The following TG variants were observed in gnomAD, a reference collection of about 807,000 sequenced individuals.
TG encodes the protein thyroglobulin.
In TG, 270 loss-of-function variants were observed where a neutral mutation model predicts 324.7. That is an observed-to-expected ratio of 0.83 (90% CI 0.75 to 0.92). The LOEUF is 0.92. Ranked by LOEUF, TG falls within the 40% of genes least tolerant of loss-of-function variation. The pLI, the probability that TG is intolerant of heterozygous loss-of-function variation, is 0.00. For missense variants in TG, 3,591 were observed against 3,456.4 expected (o/e 1.04, Z -0.98); for synonymous variants, 1,401 against 1,327.0 (o/e 1.06, Z -1.21).
chr8:132,992,195 T>A (rs1832429501), intron 35 of TG, among the ~76,000 whole-genome samples: 1 of 152,120 alleles, frequency 6.6e-6, no homozygotes, highest in South Asian at 2.1e-4. Context: ...ATGAGCAACA[T>A]GAGTGTGTCA....
At chr8:133,104,771 G>A (rs898793426) in intron 43 of TG, among the ~76,000 whole-genome samples, 4 of 152,150 alleles carry the variant, frequency 2.6e-5, no homozygotes, top group Admixed American at 1.3e-4. Context: ...GCTGGGGGAA[G>A]AGGGGAAGTG....
intron 29 of TG, among the ~76,000 whole-genome samples, chr8:132,964,026 T>G (rs1400166348): frequency 2.6e-5 from 4 of 151,832 alleles, no homozygotes; most frequent in Non-Finnish European, 5.9e-5. Flanking sequence ...AACACATGCC[T>G]AAAAAATGCC....
In TG at chr8:133,095,037, C is replaced by T; in HGVS notation, c.7240-7C>T. 1.2e-6 allele frequency: 2 copies of T among 1,613,234 alleles called. No homozygotes were observed. Among genetic ancestry groups the T allele is most frequent in the Non-Finnish European group, 1.7e-6 (2 of 1,180,004 alleles). ...ACCATCTGCCCTGAGCCTGCTTTCT[C>T]TTCCAGGGAGGCTCCGCACTCTCCC... On this transcript the variant is annotated splice_polypyrimidine_tract_variant and splice_region_variant and intron_variant, in intron 41 of 47. Transcript: ENST00000220616.
intron 41 of TG, among the ~76,000 whole-genome samples, chr8:133,067,739 G>T (rs1375766789): frequency 1.3e-5 from 2 of 151,618 alleles, no homozygotes; most frequent in Non-Finnish European, 2.9e-5. Context: ...TCGCACCGCT[G>T]CACATTCCAG....
intron 32 of TG, among the ~76,000 whole-genome samples, chr8:132,969,910 C>CAAAAAA (rs11335158): frequency 1.0e-4 from 6 of 58,070 alleles, no homozygotes; most frequent in Non-Finnish European, 9.3e-5. Flanking sequence ...GAGACTCTGT[C>CAAAAAA]AAAAAAAAAA....
intron 27 of TG, among the ~76,000 whole-genome samples, chr8:132,954,922 C>T (rs1826626457): frequency 6.6e-6 from 1 of 152,152 alleles, no homozygotes; most frequent in African/African-American, 2.4e-5. Context: ...TGATATCTGC[C>T]TCCTGTTAAG....
chr8:133,083,216 C>A (rs1444826497), intron 41 of TG, among the ~76,000 whole-genome samples: 1 of 152,146 alleles, frequency 6.6e-6, no homozygotes, highest in Non-Finnish European at 1.5e-5. Context: ...ATTGGTAATA[C>A]TTTATAACCT....
chr8:133,024,770 A>G (rs943599386), intron 40 of TG, among the ~76,000 whole-genome samples: 1 of 150,902 alleles, frequency 6.6e-6, no homozygotes, highest in African/African-American at 2.5e-5. Flanking sequence ...ATAGTATTCC[A>G]TGGTGTATAT....
At chr8:132,876,267 T>C (rs1272351127) in intron 5 of TG, among the ~76,000 whole-genome samples, 2 of 151,960 alleles carry the variant, frequency 1.3e-5, no homozygotes, top group East Asian at 1.9e-4. Flanking sequence ...TGGAGGAATA[T>C]TTACCAGGTG....
At chr8:133,093,029 TCTC>T (rs1847810797) in intron 41 of TG, among the ~76,000 whole-genome samples, 1 of 152,160 alleles carries the variant, frequency 6.6e-6, no homozygotes, top group Non-Finnish European at 1.5e-5. Context: ...GACATTCACA[TCTC>T]CTCTCTGCCT....
rs1587349252 is a variant in TG at position 132,906,672 on chromosome 8, A to C, written c.3635-16A>C. ...CTGGGCAGGTGCCCACCACGGCTCC[A>C]CTTTCCTTCTCCCAGGCCCGCGGTG... is the stretch of plus-strand genomic sequence containing the variant. On this transcript the variant is annotated splice_polypyrimidine_tract_variant and intron_variant, in intron 16 of 47. Transcript: ENST00000220616. The C allele has an allele frequency of 1.9e-6, 3 of 1,613,502 alleles. No individual in the cohort carries two copies. Among genetic ancestry groups the C allele is most frequent in the Non-Finnish European group, 2.5e-6 (3 of 1,179,950 alleles).
intron 24 of TG, among the ~76,000 whole-genome samples, chr8:132,934,543 G>A (rs904016507): frequency 6.6e-6 from 1 of 152,032 alleles, no homozygotes; most frequent in East Asian, 1.9e-4. Context: ...TCATAAACAC[G>A]TGCTCGTGCA....
chr8:132,955,411 T>C (rs1448312019), intron 27 of TG, among the ~76,000 whole-genome samples: 1 of 152,190 alleles, frequency 6.6e-6, no homozygotes, highest in Non-Finnish European at 1.5e-5. Flanking sequence ...CTCACCTTCT[T>C]GTCAAAATCA....
intron 36 of TG, among the ~76,000 whole-genome samples, chr8:133,012,440 A>C (rs1834604189): frequency 6.6e-6 from 1 of 152,186 alleles, no homozygotes. Flanking sequence ...GTAAAACTCA[A>C]ATTTTGGGAG....
Position 133,031,896 on chromosome 8 carries a change from G to T in TG, c.7239+1873G>T, listed in dbSNP as rs80047968. Among the ~76,000 whole-genome samples the T allele has an allele frequency of 6.2e-3, 951 of 152,210 alleles. 8 individuals are homozygous for T. The highest frequency in any genetic ancestry group is 9.0e-3 in the Non-Finnish European group (610 of 68,008). ...TTAGAGAAGCCTTCCTGACTTTTCA[G>T]CCTAGAACTGAGCCCTCTTTATATG... is the stretch of plus-strand genomic sequence containing the variant. On this transcript the variant is annotated intron_variant, in intron 41 of 47. Coordinates refer to ENST00000220616, the MANE Select transcript of TG (RefSeq NM_003235.5).
chr8:132,960,969 C>G (rs1457885555), intron 27 of TG, 39 bp from the exon 28 acceptor site: 1 of 1,598,930 alleles, frequency 6.3e-7, no homozygotes, highest in Non-Finnish European at 8.6e-7. Flanking sequence ...CCAGTGACAG[C>G]ACACTCAAGC....
At chr8:132,956,068 C>T (rs1390417452) in intron 27 of TG, among the ~76,000 whole-genome samples, 2 of 152,198 alleles carry the variant, frequency 1.3e-5, no homozygotes, top group African/African-American at 4.8e-5. Flanking sequence ...GATCATTTAT[C>T]AGGGAAGAGG....
rs931296291 is a variant in TG at position 133,134,894 on chromosome 8, G to A, written c.*100G>A. On this transcript the variant is annotated 3_prime_UTR_variant, in exon 48 of 48. Transcript: ENST00000220616. The stretch of plus-strand genomic sequence containing the variant: ...TACCTTCAATAAAGTATCTACATGC[G>A]GTGAAGCATTGTTGACTCTAATGTG... 2.6e-5 allele frequency: 23 copies of A among 896,494 alleles called. 1 individual carries two copies. The highest frequency in any genetic ancestry group is 5.0e-5 in the East Asian group (2 of 39,932). 55.5% of individuals were successfully genotyped at this position (896,494 alleles called of 1,614,324 possible).
intron 35 of TG, among the ~76,000 whole-genome samples, chr8:132,986,037 C>T (rs2130717969): frequency 6.6e-6 from 1 of 152,082 alleles, no homozygotes; most frequent in South Asian, 2.1e-4. Context: ...TTAATGAAAA[C>T]TCATTTTGTC....
Sources: gnomAD v4.1 joint callset for allele counts (sites outside exome capture counted in the v4.1 genomes callset) on GRCh38, gnomAD v4.1.1 for gene constraint, MANE v1.5 for transcripts, NCBI Gene and HGNC (gene_info 2026-07-23, HGNC 2026-07-21) for gene names.